Variants in DSCAM observed in about 807,000 individuals in gnomAD.
DSCAM encodes the protein DS cell adhesion molecule.
In DSCAM, 47 loss-of-function variants were observed where a neutral mutation model predicts 217.7. That is an observed-to-expected ratio of 0.22 (90% CI 0.17 to 0.28). The LOEUF (loss-of-function observed/expected upper bound fraction) is 0.28. DSCAM is among the 10% of genes least tolerant of loss of function. The pLI is 1.00. For synonymous variants in DSCAM, 1,056 were observed against 1,015.3 expected (o/e 1.04, Z -0.76); for missense variants, 2,080 against 2,618.3 (o/e 0.79, Z 4.49).
intron 3 of DSCAM, 140 bp from the exon 4 acceptor site, chr21:40,369,385 C>CGT (rs35564463): frequency 0.13 from 51,702 of 383,630 alleles, 2,119 homozygotes; most frequent in African/African-American, 0.16. Context: ...CGTGCGTCTG[C>CGT]GTGTGTGTGT....
At chr21:40,736,492 T>C (rs1466984529) in intron 1 of DSCAM, among the ~76,000 whole-genome samples, 1 of 152,196 alleles carries the variant, frequency 6.6e-6, no homozygotes, top group Non-Finnish European at 1.5e-5. Context: ...TTCTGGAGGT[T>C]AGAAGTTCAA....
intron 3 of DSCAM, among the ~76,000 whole-genome samples, chr21:40,499,047 A>C (rs1437597563): frequency 3.3e-5 from 5 of 151,836 alleles, no homozygotes; most frequent in Non-Finnish European, 7.4e-5. Flanking sequence ...TTGTAGTATG[A>C]GTAATAATTC....
At chr21:40,496,877 G>C (rs2076122702) in intron 3 of DSCAM, among the ~76,000 whole-genome samples, 1 of 152,078 alleles carries the variant, frequency 6.6e-6, no homozygotes, top group Non-Finnish European at 1.5e-5. Flanking sequence ...AAGGCCAATC[G>C]ATACATGAAA....
At chr21:40,404,405 G>C (rs139321101) in intron 3 of DSCAM, among the ~76,000 whole-genome samples, 1 of 152,316 alleles carries the variant, frequency 6.6e-6, no homozygotes, top group Non-Finnish European at 1.5e-5. Flanking sequence ...CCAGTCTCTT[G>C]ACTAGTTATA....
At chr21:40,639,764 AG>A (rs1231515967) in intron 3 of DSCAM, among the ~76,000 whole-genome samples, 1 of 152,106 alleles carries the variant, frequency 6.6e-6, no homozygotes, top group Non-Finnish European at 1.5e-5. Flanking sequence ...TTACAGCCCC[AG>A]GAGAAATAAA....
rs1284300410 is a variant in DSCAM at position 40,042,617 on chromosome 21, G to A, written c.5440C>T (p.Leu1814=). Residue 1814 remains leucine, a synonymous_variant, in exon 32 of 33, where the codon CTG becomes TTG. Coordinates refer to ENST00000400454, the MANE Select transcript of DSCAM (RefSeq NM_001389.5). ...TTGGCGTGTTCGTAGGCCCTGGCCA[G>A]TTCTTCGTAAGTGGAGGAGGCACTT... ...TESASSTYEE[L]ARAYEHAKME... 3.1e-6 allele frequency: 5 copies of A among 1,613,940 alleles called. No individual in the cohort carries two copies. Among genetic ancestry groups the A allele is most frequent in the Non-Finnish European group, 4.2e-6 (5 of 1,180,030 alleles).
At chr21:40,315,336 T>C (rs1336148732) in intron 8 of DSCAM, among the ~76,000 whole-genome samples, 9 of 151,158 alleles carry the variant, frequency 6.0e-5, no homozygotes, top group Admixed American at 5.9e-4. Flanking sequence ...CCCGGGAGGC[T>C]GAGGTTGCAG....
intron 8 of DSCAM, among the ~76,000 whole-genome samples, chr21:40,336,089 T>G (rs551436973): frequency 6.6e-6 from 1 of 152,278 alleles, no homozygotes; most frequent in African/African-American, 2.4e-5. Flanking sequence ...CTATGTCCTG[T>G]GTAATAAAAT....
intron 1 of DSCAM, among the ~76,000 whole-genome samples, chr21:40,842,784 C>T (rs1480724356): frequency 6.6e-6 from 1 of 152,102 alleles, no homozygotes; most frequent in Admixed American, 6.5e-5. Context: ...TGGTTCTGCC[C>T]CCCGTGACTC....
chr21:40,197,914 C>G (rs866327757), intron 11 of DSCAM, among the ~76,000 whole-genome samples: 4 of 152,130 alleles, frequency 2.6e-5, no homozygotes, highest in Non-Finnish European at 4.4e-5. Context: ...AAGTGCAAAG[C>G]CTCTTTCCCT....
intron 11 of DSCAM, among the ~76,000 whole-genome samples, chr21:40,247,839 C>T (rs117116086): frequency 0.039 from 5,953 of 152,316 alleles, 143 homozygotes; most frequent in East Asian, 0.061. Context: ...TGACACTGCC[C>T]TAGCAGAGAT....
chr21:40,739,248 G>T lies in DSCAM; in HGVS notation c.44-30477C>A, dbSNP rs12483560. ...CAGGAGCACTGTCTGCAGCAATGCT[G>T]GGGGGAGGTGGGGGCCATGCCCTTG... On this transcript the variant is annotated intron_variant, in intron 1 of 32. Coordinates refer to ENST00000400454, the MANE Select transcript of DSCAM (RefSeq NM_001389.5). Among the ~76,000 whole-genome samples, 7 of 6,750 alleles carry T rather than the reference G, an allele frequency of 1.0e-3. No homozygotes were observed. In the African/African-American group the frequency reaches 0.011, roughly 10 times the overall value. The allele number at this position is 6,750 out of a possible 152,430, so 4.4% of individuals were successfully genotyped here. A position where few individuals can be genotyped will look rare whatever the true frequency, so the allele number is the denominator to read the frequency against.
intron 1 of DSCAM, among the ~76,000 whole-genome samples, chr21:40,715,434 A>G (rs1175414309): frequency 6.6e-6 from 1 of 152,218 alleles, no homozygotes; most frequent in Non-Finnish European, 1.5e-5. Context: ...GTGAACACCA[A>G]TTGCCAAAAG....
intron 3 of DSCAM, among the ~76,000 whole-genome samples, chr21:40,554,963 C>T (rs1180616639): frequency 6.6e-6 from 1 of 152,114 alleles, no homozygotes; most frequent in Non-Finnish European, 1.5e-5. Flanking sequence ...CAGTAGGTAG[C>T]ACCAAGCCCA....
At chr21:40,616,996 G>T (rs1366907173) in intron 3 of DSCAM, among the ~76,000 whole-genome samples, 1 of 109,480 alleles carries the variant, frequency 9.1e-6, no homozygotes, top group Non-Finnish European at 1.8e-5. Context: ...CAGCCTGGGC[G>T]ACAGAGCAAG....
At chr21:40,107,251 G>C (rs892583743) in intron 20 of DSCAM, among the ~76,000 whole-genome samples, 1 of 152,084 alleles carries the variant, frequency 6.6e-6, no homozygotes, top group African/African-American at 2.4e-5. Flanking sequence ...TTCAGGAGCA[G>C]GTCATTCAAT....
At chr21:40,171,792 A>T (rs554812803) in intron 15 of DSCAM, among the ~76,000 whole-genome samples, 5 of 152,194 alleles carry the variant, frequency 3.3e-5, no homozygotes, top group Non-Finnish European at 7.3e-5. Context: ...TGCTTTCTGT[A>T]TAACTCCTGA....
chr21:40,727,872 C>T (rs1006640935), intron 1 of DSCAM, among the ~76,000 whole-genome samples: 1 of 152,166 alleles, frequency 6.6e-6, no homozygotes, highest in Non-Finnish European at 1.5e-5. Context: ...CCACCCTCCC[C>T]TGGGGATCCC....
In DSCAM at chr21:40,613,788, T is replaced by C. The variant is rs572438407; in HGVS notation, c.508+79022A>G. Among the ~76,000 whole-genome samples, 88 of 150,844 alleles carry C rather than the reference T, an allele frequency of 5.8e-4. 1 individual carries two copies. The highest frequency in any genetic ancestry group is 3.1e-3 in the South Asian group (15 of 4,778). ...CAGGGAATCTCATGCTGATGGGCTA[T>C]AATTTAGCAGAGAAGGAAAAAAAAA... On this transcript the variant is annotated intron_variant, in intron 3 of 32. Transcript: ENST00000400454.
Sources: allele counts gnomAD v4.1 joint callset (sites outside exome capture counted in the v4.1 genomes callset), GRCh38; gene constraint gnomAD v4.1.1; transcripts MANE v1.5; gene names NCBI Gene and HGNC (gene_info 2026-07-23, HGNC 2026-07-21).